TOP1MT: variants seen among roughly 807,000 people sequenced by gnomAD.
TOP1MT encodes the protein DNA topoisomerase I, mitochondrial.
TOP1MT carries 80 observed loss-of-function variants against 73.9 expected under a neutral mutation model. The observed-to-expected ratio is 1.08, with a 90% confidence interval of 0.90 to 1.30. The LOEUF (loss-of-function observed/expected upper bound fraction) is 1.30, where lower values mean the gene tolerates loss of function less well. Ranked by LOEUF, TOP1MT falls within the 50% of genes most tolerant of loss-of-function variation. The pLI, the probability that TOP1MT is intolerant of heterozygous loss-of-function variation, is 0.00. For missense variants in TOP1MT, 815 were observed against 808.0 expected (o/e 1.01, Z -0.10); for synonymous variants, 338 against 326.4 (o/e 1.04, Z -0.38).
At chr8:143,324,255 G>A in intron 6 of TOP1MT, 113 bp from the exon 7 acceptor site, 1 of 1,468,666 alleles carries the variant, frequency 6.8e-7, no homozygotes. Context: ...GTGGTGCCGT[G>A]GTCAGGGGCT....
Position 143,324,095 on chromosome 8 carries a change from T to C in TOP1MT, c.864A>G (p.Gly288=). 5.6e-6 allele frequency: 9 copies of C among 1,613,666 alleles called. No individual in the cohort carries two copies. The highest frequency in any genetic ancestry group is 7.6e-6 in the Non-Finnish European group (9 of 1,180,006). ...ACTGGGAGCGGATCTCGTCCACAAA[T>C]CCCCGCAGGCGTCGAGCTGTTTCAA... ...QKFETARRLR[G]FVDEIRSQYR... is the part of the protein sequence containing the mutation. The change falls in exon 7 of 14, where the codon GGA becomes GGG. Residue 288 remains glycine (G), a synonymous_variant. Coordinates refer to ENST00000329245, the MANE Select transcript of TOP1MT (RefSeq NM_052963.3).
chr8:143,342,103 GTTATTA>G (rs1213067072), intron 2 of TOP1MT, among the ~76,000 whole-genome samples: 1 of 123,942 alleles, frequency 8.1e-6, no homozygotes, highest in Non-Finnish European at 1.5e-5. Flanking sequence ...GTCTCGCTCT[GTTATTA>G]TTATTAGAGA....
intron 7 of TOP1MT, 100 bp downstream of exon 7, chr8:143,323,899 C>T (rs551070174): frequency 2.1e-4 from 289 of 1,400,842 alleles, no homozygotes; most frequent in Non-Finnish European, 2.7e-4. Context: ...AGGTTCCACC[C>T]CACACACAGG....
chr8:143,325,479 C>T lies in TOP1MT; in HGVS notation c.538G>A (p.Asp180Asn). The T allele has an allele frequency of 6.2e-7, 1 of 1,613,132 alleles. No homozygotes were observed. The highest frequency in any genetic ancestry group is 8.5e-7 in the Non-Finnish European group (1 of 1,179,128). ...TTGCCTATTTTTTCTTGGTGACCAT[C>T]TAAAATACAGTAGCCGAACTCTTGC... ...LQQEFGYCILDGHQEKIGNFK... is the reference protein window; with the variant it reads ...LQQEFGYCILNGHQEKIGNFK... The change falls in exon 5 of 14, where the codon GAT becomes AAT. Residue 180 changes from aspartate (D) to asparagine (N), a missense_variant. By Grantham distance (23) the Asp-to-Asn change is conservative. Coordinates refer to ENST00000329245, the MANE Select transcript of TOP1MT (RefSeq NM_052963.3).
Position 143,341,820 on chromosome 8 carries a change from C to T in TOP1MT, c.29+1400G>A, listed in dbSNP as rs1259868913. ...CCACTGCCCCATCTAGTGCTTCCTT[C>T]TTCCTTCTTCTTCCTCTTCTTCCTC... On this transcript the variant is annotated intron_variant, in intron 2 of 5. Coordinates refer to the TOP1MT transcript ENST00000518007. This position sits in a 1 kb window ranked among gnomAD's most constrained non-coding sequence, Gnocchi z 4.1. Among the ~76,000 whole-genome samples the T allele has an allele frequency of 6.7e-6, 1 of 149,440 alleles. No homozygotes were observed. The highest frequency in any genetic ancestry group is 1.5e-5 in the Non-Finnish European group (1 of 67,628).
At chr8:143,350,460 TAG>T (rs1341332965) in intron 1 of TOP1MT, among the ~76,000 whole-genome samples, 1 of 152,144 alleles carries the variant, frequency 6.6e-6, no homozygotes, top group Non-Finnish European at 1.5e-5. Context: ...GCCTCCTGAG[TAG>T]CTGGGATTAC....
intron 7 of TOP1MT, among the ~76,000 whole-genome samples, chr8:143,322,379 ACACACGCACGC>A (rs1417160223): frequency 2.0e-5 from 2 of 98,216 alleles, no homozygotes. Context: ...CAGGCACGCC[ACACACGCACGC>A]CACACACATG....
intron 7 of TOP1MT, among the ~76,000 whole-genome samples, chr8:143,321,717 C>CACAG (rs1221609643): frequency 7.6e-6 from 1 of 131,672 alleles, no homozygotes; most frequent in East Asian, 2.3e-4. Context: ...ATGCCACACA[C>CACAG]GCACGCCACA....
intron 1 of TOP1MT, among the ~76,000 whole-genome samples, chr8:143,352,446 T>C (rs903646238): frequency 6.6e-6 from 1 of 152,152 alleles, no homozygotes; most frequent in Non-Finnish European, 1.5e-5. Flanking sequence ...AAGAACAGTC[T>C]TTTCAACAAG....
chr8:143,318,756 C>T (rs57623971), intron 8 of TOP1MT, among the ~76,000 whole-genome samples: 18,937 of 152,076 alleles, frequency 0.12, 1,349 homozygotes, highest in African/African-American at 0.19. Flanking sequence ...CCCCAACTGG[C>T]CCCCTCATCA....
chr8:143,351,889 G>A (rs1817326818), intron 1 of TOP1MT, among the ~76,000 whole-genome samples: 3 of 152,204 alleles, frequency 2.0e-5, no homozygotes. Flanking sequence ...TTCGAGACCA[G>A]CCTGACCAAC....
chr8:143,317,978 C>G (rs770918913), intron 9 of TOP1MT, 40 bp downstream of exon 9: 2 of 1,611,404 alleles, frequency 1.2e-6, no homozygotes, highest in South Asian at 2.2e-5. Flanking sequence ...TCACTGGGTC[C>G]TGCCGCCGCC....
intron 2 of TOP1MT, 31 bp from the exon 3 acceptor site, chr8:143,329,502 A>G (rs1371292786): frequency 1.1e-5 from 17 of 1,592,276 alleles, no homozygotes; most frequent in Non-Finnish European, 1.4e-5. Flanking sequence ...ATCGTATGAG[A>G]GAGCGGCCAG....
rs1259635617 is a variant in TOP1MT, at chr8:143,323,746, C to G, written c.960+253G>C. ...GCCACACACACATGCACGCCACACA[C>G]ATGCACGCCCCACACAGACATGCCA... On this transcript the variant is annotated intron_variant, in intron 7 of 13. Transcript: ENST00000329245. Among the ~76,000 whole-genome samples the G allele has an allele frequency of 4.5e-5, 2 of 43,986 alleles. 1 individual carries two copies. The highest frequency in any genetic ancestry group is 5.7e-4 in the Admixed American group (2 of 3,486). The allele number at this position is 43,986 out of a possible 152,430, so 28.9% of individuals were successfully genotyped here. A position where few individuals can be genotyped will look rare whatever the true frequency, so the allele number is the denominator to read the frequency against.
intron 7 of TOP1MT, among the ~76,000 whole-genome samples, chr8:143,321,756 AAC>A (rs1344730761): frequency 1.9e-4 from 5 of 26,620 alleles, no homozygotes; most frequent in African/African-American, 2.9e-4. Flanking sequence ...GCACGCCACA[AAC>A]ACAGGCACGC....
At chr8:143,347,913 C>T (rs891931648), upstream of TOP1MT, among the ~76,000 whole-genome samples, 3 of 152,170 alleles carry the variant, frequency 2.0e-5, no homozygotes, top group African/African-American at 7.2e-5. Flanking sequence ...TCCTCTGTGA[C>T]GCAGCTGTAG....
intron 6 of TOP1MT, among the ~76,000 whole-genome samples, 165 bp downstream of exon 6, chr8:143,324,320 G>T (rs1192765088): frequency 2.0e-5 from 3 of 152,228 alleles, no homozygotes; most frequent in Non-Finnish European, 2.9e-5. Flanking sequence ...GCCCACTCCT[G>T]GCTTTGGGGC....
intron 3 of TOP1MT, among the ~76,000 whole-genome samples, chr8:143,328,807 C>T (rs73382110): frequency 0.018 from 2,719 of 152,346 alleles, 85 homozygotes; most frequent in African/African-American, 0.063. Flanking sequence ...AGGGGCGAGC[C>T]TCGCAGGTGT....
intron 1 of TOP1MT, among the ~76,000 whole-genome samples, chr8:143,351,183 T>G (rs1229309579): frequency 6.6e-6 from 1 of 152,206 alleles, no homozygotes; most frequent in Non-Finnish European, 1.5e-5. Context: ...TTTGTTGTAT[T>G]TGGAGTTGAG....
Sources: allele counts gnomAD v4.1 joint callset (sites outside exome capture counted in the v4.1 genomes callset), GRCh38; gene constraint gnomAD v4.1.1; non-coding constraint Gnocchi (gnomAD v3.1); transcripts MANE v1.5; gene names NCBI Gene and HGNC (gene_info 2026-07-23, HGNC 2026-07-21).